KLF12: variants seen among roughly 807,000 people sequenced by gnomAD.
KLF12 encodes Krueppel-like factor 12.
KLF12 carries 9 observed loss-of-function variants against 37.8 expected under a neutral mutation model. The ratio of observed to expected loss-of-function variants is 0.24; its 90% confidence interval spans 0.14 to 0.42. The LOEUF is 0.42. KLF12 is among the 10% of genes least tolerant of loss of function. The pLI is 1.00. For missense variants in KLF12, 411 were observed against 516.0 expected, an observed-to-expected ratio of 0.80 and a Z score of 1.97; for synonymous variants, 208 against 202.1, an observed-to-expected ratio of 1.03 and a Z score of -0.25.
chr13:74,295,848 A>C, the KLF12 span, among the ~76,000 whole-genome samples: 133,211 of 152,110 alleles, frequency 0.88, 58,412 homozygotes, highest in East Asian at 0.91. Context: ...GGGTCTCACT[A>C]TGTCGCCCAG....
At chr13:73,836,608 C>T (rs1884447511) in intron 4 of KLF12, among the ~76,000 whole-genome samples, 1 of 152,086 alleles carries the variant, frequency 6.6e-6, no homozygotes, top group Admixed American at 6.5e-5. Flanking sequence ...AATAAGAATT[C>T]CCTTGTAGCA....
intron 1 of KLF12, among the ~76,000 whole-genome samples, chr13:74,064,048 C>T (rs922337312): frequency 6.9e-4 from 47 of 67,720 alleles, no homozygotes; most frequent in Admixed American, 1.9e-3. Context: ...TAAGATGGTT[C>T]CTCTAAAAGG....
At chr13:74,237,499 G>A in the KLF12 span, among the ~76,000 whole-genome samples, 19,443 of 142,268 alleles carry the variant, frequency 0.14, 1,484 homozygotes, top group Admixed American at 0.22. Context: ...GTAGCTTGAC[G>A]GGGATGGCAT....
intron 6 of KLF12, among the ~76,000 whole-genome samples, chr13:73,739,491 T>C (rs1484325475): frequency 6.6e-6 from 1 of 152,138 alleles, no homozygotes; most frequent in Non-Finnish European, 1.5e-5. Flanking sequence ...GTATGTCATA[T>C]AGCTCATGTA....
chr13:74,198,213 G>A, the KLF12 span, among the ~76,000 whole-genome samples: 1 of 152,110 alleles, frequency 6.6e-6, no homozygotes, highest in African/African-American at 2.4e-5. Flanking sequence ...GACCCAGGCG[G>A]GGAAAGAAGT....
intron 2 of KLF12, among the ~76,000 whole-genome samples, chr13:73,968,950 C>T (rs1055698187): frequency 4.0e-5 from 6 of 151,856 alleles, no homozygotes; most frequent in African/African-American, 9.7e-5. Context: ...TCATAACCTC[C>T]GTTTGGATTT....
intron 6 of KLF12, among the ~76,000 whole-genome samples, chr13:73,740,824 T>A (rs1360406393): frequency 6.6e-6 from 1 of 152,196 alleles, no homozygotes; most frequent in Non-Finnish European, 1.5e-5. Flanking sequence ...TTGGAGCCTC[T>A]GTAGCATGTC....
Position 73,846,140 on chromosome 13 carries a change from A to C in KLF12, c.357T>G (p.Ser119=), listed in dbSNP as rs1471585958. 3.7e-6 allele frequency: 6 copies of C among 1,614,036 alleles called. No individual in the cohort carries two copies. In the Admixed American group the frequency reaches 1.0e-4, roughly 27 times the overall value. Reference sequence around the variant, plus strand: ...TTGGGGATGAGGCTAGACGACTAGAAGACGATGAAGAGGTTGAAGTTGAAG... The same window carrying C: ...TTGGGGATGAGGCTAGACGACTAGACGACGATGAAGAGGTTGAAGTTGAAG... Residue 119 remains serine (S), a synonymous_variant, in exon 4 of 8, where the codon TCT becomes TCG. Transcript: ENST00000377669.
chr13:73,765,582 A>G (rs1366199848), intron 5 of KLF12, among the ~76,000 whole-genome samples: 1 of 152,220 alleles, frequency 6.6e-6, no homozygotes, highest in Non-Finnish European at 1.5e-5. Flanking sequence ...AGTAAAGTCA[A>G]TTCAAAATTT....
At chr13:74,045,998 A>G (rs1893533475) in intron 1 of KLF12, among the ~76,000 whole-genome samples, 1 of 152,154 alleles carries the variant, frequency 6.6e-6, no homozygotes, top group Non-Finnish European at 1.5e-5. Context: ...TTTGTTCCTT[A>G]TTTAGAAGCT....
the KLF12 span, among the ~76,000 whole-genome samples, chr13:74,255,163 G>A: frequency 0.01 from 1,552 of 152,220 alleles, 37 homozygotes; most frequent in African/African-American, 0.035. Flanking sequence ...CTTTAAGGAA[G>A]GGACCATTTT....
chr13:74,024,997 G>A (rs1434521500), intron 1 of KLF12, among the ~76,000 whole-genome samples: 2 of 151,852 alleles, frequency 1.3e-5, no homozygotes, highest in African/African-American at 4.8e-5. Flanking sequence ...AGCTCAGAGA[G>A]AAAAAAAATC....
the KLF12 span, among the ~76,000 whole-genome samples, chr13:74,262,930 C>T: frequency 3.3e-5 from 5 of 152,084 alleles, no homozygotes; most frequent in Non-Finnish European, 5.9e-5. Flanking sequence ...CCTGGTTCTT[C>T]GTCAGTGTGC....
chr13:73,840,436 C>T (rs1269223767), intron 4 of KLF12, among the ~76,000 whole-genome samples: 1 of 152,076 alleles, frequency 6.6e-6, no homozygotes, highest in East Asian at 1.9e-4. Flanking sequence ...ACCCAACTCC[C>T]ATCTCAAGCT....
chr13:73,758,457 A>C (rs1879330669), intron 6 of KLF12, among the ~76,000 whole-genome samples: 1 of 152,176 alleles, frequency 6.6e-6, no homozygotes, highest in African/African-American at 2.4e-5. Flanking sequence ...TTGCCTGTTC[A>C]TGCTGTAATT....
chr13:74,293,590 TA>T, the KLF12 span, among the ~76,000 whole-genome samples: 15 of 152,316 alleles, frequency 9.8e-5, no homozygotes, highest in East Asian at 2.9e-3. Flanking sequence ...AATGATAAAA[TA>T]GATTCTCTTC....
At chr13:73,868,007 A>C (rs918165424) in intron 3 of KLF12, among the ~76,000 whole-genome samples, 1 of 149,680 alleles carries the variant, frequency 6.7e-6, no homozygotes, top group African/African-American at 2.5e-5. Flanking sequence ...GGCAACAAAC[A>C]AGAGCGAAAC....
intron 5 of KLF12, among the ~76,000 whole-genome samples, chr13:73,777,751 T>G (rs1439881139): frequency 6.6e-6 from 1 of 150,966 alleles, no homozygotes; most frequent in Non-Finnish European, 1.5e-5. Context: ...CAAACGGGTG[T>G]GCAAATGGAC....
In KLF12 at chr13:73,689,123, G is replaced by GT. The variant is rs1170662400; in HGVS notation, c.*6366dup. ...ATGTGTAACCTTTCAAGGTACTTTA[G>GT]TTTTTTCAGACAACACATGGTAAGA... On this transcript the variant is annotated 3_prime_UTR_variant, in exon 8 of 8. Transcript: ENST00000377669. The GT allele has an allele frequency of 6.6e-6, 1 of 152,064 alleles. No individual in the cohort carries two copies. Among genetic ancestry groups the GT allele is most frequent in the African/African-American group, 2.4e-5 (1 of 41,396 alleles). 9.4% of individuals were successfully genotyped at this position (152,064 alleles called of 1,614,324 possible). A position where few individuals can be genotyped will look rare whatever the true frequency, so the allele number is the denominator to read the frequency against.
Sources: allele counts gnomAD v4.1 joint callset (sites outside exome capture counted in the v4.1 genomes callset), GRCh38; gene constraint gnomAD v4.1.1; transcripts MANE v1.5; gene names NCBI Gene and HGNC (gene_info 2026-07-23, HGNC 2026-07-21).